LRBA: variants seen among roughly 807,000 people sequenced by gnomAD.
LRBA encodes the protein LPS responsive beige-like anchor protein.
A neutral mutation model predicts 330.0 loss-of-function variants in LRBA; 176 were observed. The observed-to-expected ratio is 0.53, with a 90% confidence interval of 0.47 to 0.60. LRBA has a LOEUF of 0.60. Among genes scored for constraint, LRBA ranks in the 20% least tolerant of loss-of-function variants. LRBA has a pLI of 0.00. For synonymous variants in LRBA, 1,230 were observed against 1,193.0 expected, an observed-to-expected ratio of 1.03 and a Z score of -0.64; for missense variants, 3,259 against 3,444.8, an observed-to-expected ratio of 0.95 and a Z score of 1.35.
intron 8 of LRBA, 71 bp from the exon 9 acceptor site, chr4:150,914,412 T>C (rs1232821668): frequency 9.2e-7 from 1 of 1,087,732 alleles, no homozygotes. Context: ...AAACCTATAT[T>C]ATCATAAATG....
intron 47 of LRBA, among the ~76,000 whole-genome samples, chr4:150,400,473 A>C (rs1010522795): frequency 2.0e-4 from 31 of 152,270 alleles, no homozygotes; most frequent in African/African-American, 7.5e-4. Context: ...ATTATATATT[A>C]TTCTCTGGTG....
chr4:150,764,907 T>C (rs983234647), intron 34 of LRBA, among the ~76,000 whole-genome samples: 3 of 152,052 alleles, frequency 2.0e-5, no homozygotes, highest in Non-Finnish European at 4.4e-5. Flanking sequence ...ATCCAGCAAT[T>C]TCACTTTTTA....
chr4:150,882,046 A>G (rs1002399974), intron 17 of LRBA, among the ~76,000 whole-genome samples: 1 of 152,082 alleles, frequency 6.6e-6, no homozygotes, highest in Non-Finnish European at 1.5e-5. Context: ...AGATGGAGCC[A>G]TTGCACTCCA....
intron 36 of LRBA, among the ~76,000 whole-genome samples, chr4:150,697,325 GAAAA>G (rs60145657): frequency 4.2e-3 from 117 of 28,034 alleles, no homozygotes; most frequent in East Asian, 0.034. Context: ...CTTTGTCTCA[GAAAA>G]AAAAAAAAAA....
intron 40 of LRBA, among the ~76,000 whole-genome samples, chr4:150,571,183 T>A (rs59515357): frequency 6.6e-6 from 1 of 151,908 alleles, no homozygotes; most frequent in Non-Finnish European, 1.5e-5. Flanking sequence ...TTCTGCAGCT[T>A]CTTTTTTTTT....
intron 44 of LRBA, among the ~76,000 whole-genome samples, chr4:150,465,980 G>A (rs185951290): frequency 1.3e-5 from 2 of 152,064 alleles, no homozygotes; most frequent in East Asian, 3.9e-4. Context: ...ACAAGTATAT[G>A]GAAAGTACCC....
intron 38 of LRBA, among the ~76,000 whole-genome samples, chr4:150,597,962 T>C (rs1490595754): frequency 6.6e-6 from 1 of 152,228 alleles, no homozygotes; most frequent in Non-Finnish European, 1.5e-5. Context: ...TCTGATGACA[T>C]ATTGTGGACA....
intron 28 of LRBA, among the ~76,000 whole-genome samples, chr4:150,839,779 C>T (rs1438877285): frequency 1.3e-5 from 2 of 152,002 alleles, no homozygotes; most frequent in Non-Finnish European, 2.9e-5. Flanking sequence ...GAAGATATAC[C>T]TAATGTAAAT....
At chr4:150,858,189 G>A (rs922697216) in intron 22 of LRBA, among the ~76,000 whole-genome samples, 1 of 152,076 alleles carries the variant, frequency 6.6e-6, no homozygotes, top group Non-Finnish European at 1.5e-5. Flanking sequence ...GTTTCAAAAT[G>A]TTAAAGCTAA....
chr4:150,409,041 A>G (rs1183327835), intron 47 of LRBA, among the ~76,000 whole-genome samples: 1 of 152,108 alleles, frequency 6.6e-6, no homozygotes, highest in Non-Finnish European at 1.5e-5. Flanking sequence ...GCCTTATATG[A>G]AAATTGGGTC....
intron 37 of LRBA, among the ~76,000 whole-genome samples, chr4:150,631,536 T>G (rs1777377732): frequency 6.6e-6 from 1 of 152,206 alleles, no homozygotes; most frequent in African/African-American, 2.4e-5. Context: ...GAATAAATTG[T>G]CTTAAATTTC....
intron 35 of LRBA, among the ~76,000 whole-genome samples, chr4:150,740,207 T>C (rs899927547): frequency 6.6e-6 from 1 of 151,974 alleles, no homozygotes; most frequent in Admixed American, 6.6e-5. Flanking sequence ...CTTAAACCAA[T>C]GCTTAGAGGG....
At chr4:150,564,470 G>T (rs1214483093) in intron 40 of LRBA, among the ~76,000 whole-genome samples, 2 of 152,118 alleles carry the variant, frequency 1.3e-5, no homozygotes, top group Non-Finnish European at 2.9e-5. Flanking sequence ...TCAGGACACA[G>T]GCATGGGCAA....
intron 48 of LRBA, among the ~76,000 whole-genome samples, chr4:150,329,636 CT>C (rs1228063595): frequency 1.3e-5 from 2 of 152,156 alleles, no homozygotes; most frequent in Non-Finnish European, 1.5e-5. Flanking sequence ...AACTCTGCCC[CT>C]ATCTGAAAGG....
intron 16 of LRBA, among the ~76,000 whole-genome samples, chr4:150,895,503 A>G (rs1007020626): frequency 6.6e-6 from 1 of 151,946 alleles, no homozygotes; most frequent in African/African-American, 2.4e-5. Context: ...CTCATTGTTC[A>G]ATTCCCACCT....
intron 40 of LRBA, among the ~76,000 whole-genome samples, chr4:150,546,357 A>C (rs1581636273): frequency 6.6e-6 from 1 of 152,338 alleles, no homozygotes; most frequent in East Asian, 1.9e-4. Flanking sequence ...AATTTTGTGT[A>C]TAAAAATAAA....
intron 29 of LRBA, 118 bp downstream of exon 29, chr4:150,831,699 T>G (rs1175541397): frequency 4.5e-6 from 3 of 661,668 alleles, no homozygotes; most frequent in Non-Finnish European, 7.0e-6. Flanking sequence ...AATATATGTA[T>G]GCTCTCCCTT....
At chr4:150,381,000 A>G (rs1742164642) in intron 47 of LRBA, among the ~76,000 whole-genome samples, 1 of 151,676 alleles carries the variant, frequency 6.6e-6, no homozygotes, top group African/African-American at 2.4e-5. Flanking sequence ...AAAAAAAAAA[A>G]AAAAAAAAGT....
At chr4:150,809,867 TACGATACGATACGATAC>T (rs1560849921) in intron 31 of LRBA, among the ~76,000 whole-genome samples, 1 of 88,682 alleles carries the variant, frequency 1.1e-5, no homozygotes. Context: ...TACGATACGA[TACGATACGATACGATAC>T]GATACGATAC....
Sources: gnomAD v4.1 joint callset for allele counts (sites outside exome capture counted in the v4.1 genomes callset) on GRCh38, gnomAD v4.1.1 for gene constraint, MANE v1.5 for transcripts, NCBI Gene and HGNC (gene_info 2026-07-23, HGNC 2026-07-21) for gene names.